ANO3: variants seen among roughly 807,000 people sequenced by gnomAD.
ANO3 encodes anoctamin-3.
Under a neutral mutation model 144.8 loss-of-function variants are expected in ANO3, and 99 were observed. The observed-to-expected ratio is 0.68, with a 90% CI of 0.58 to 0.81. The LOEUF (loss-of-function observed/expected upper bound fraction) is 0.81, where lower values mean the gene tolerates loss of function less well. Ranked by LOEUF, ANO3 falls within the 30% of genes least tolerant of loss-of-function variation. The pLI is 0.00. For missense variants in ANO3, 905 were observed against 1,202.2 expected, an observed-to-expected ratio of 0.75 and a Z score of 3.66; for synonymous variants, 414 against 392.6, an observed-to-expected ratio of 1.05 and a Z score of -0.64.
At chr11:26,317,692 CAG>C (rs1309868769) in intron 1 of ANO3, among the ~76,000 whole-genome samples, 2 of 152,164 alleles carry the variant, frequency 1.3e-5, no homozygotes, top group African/African-American at 2.4e-5. Context: ...TTGTGGAAGA[CAG>C]TGTGGAGATT....
chr11:26,474,250 G>T, intron 4 of ANO3: 1 of 260,292 alleles, frequency 3.8e-6, no homozygotes, highest in Non-Finnish European at 6.0e-6. Flanking sequence ...GAGTGTATCT[G>T]TTATTTCAAA....
At chr11:26,293,248 A>C (rs1421896614) in intron 1 of ANO3, among the ~76,000 whole-genome samples, 1 of 152,122 alleles carries the variant, frequency 6.6e-6, no homozygotes, top group East Asian at 1.9e-4. Context: ...AACCTAAATA[A>C]AAAGGCATAC....
chr11:26,247,283 ACTAT>A (rs1289320760), intron 1 of ANO3, among the ~76,000 whole-genome samples: 1 of 152,208 alleles, frequency 6.6e-6, no homozygotes, highest in Non-Finnish European at 1.5e-5. Context: ...TGAATACAGT[ACTAT>A]CTTTTTTTCC....
intron 1 of ANO3, among the ~76,000 whole-genome samples, chr11:26,315,659 GTCTA>G (rs10635488): frequency 0.023 from 3,303 of 146,022 alleles, 115 homozygotes; most frequent in African/African-American, 0.083. Context: ...CTATCTGTCT[GTCTA>G]TCTATCTATC....
intron 17 of ANO3, among the ~76,000 whole-genome samples, chr11:26,603,485 G>C (rs1470437881): frequency 6.6e-6 from 1 of 151,736 alleles, no homozygotes; most frequent in Non-Finnish European, 1.5e-5. Context: ...GTATTATTTA[G>C]AGTAGTAGAT....
chr11:26,408,521 T>C (rs967515508), intron 1 of ANO3, among the ~76,000 whole-genome samples: 2 of 148,522 alleles, frequency 1.3e-5, no homozygotes, highest in East Asian at 2.0e-4. Flanking sequence ...TTTTACACTG[T>C]TGGTGGGACT....
chr11:26,218,280 G>T (rs1214351077), intron 1 of ANO3, among the ~76,000 whole-genome samples: 1 of 152,072 alleles, frequency 6.6e-6, no homozygotes, highest in South Asian at 2.1e-4. Context: ...TGACATGGTA[G>T]CTGTGCTTAG....
chr11:26,231,959 C>T (rs1462749136), intron 1 of ANO3, among the ~76,000 whole-genome samples: 1 of 152,182 alleles, frequency 6.6e-6, no homozygotes, highest in East Asian at 1.9e-4. Context: ...GACATGGAAA[C>T]TGGCATGTGG....
Position 26,596,640 on chromosome 11 carries a change from C to T in ANO3, c.1448-1725C>T, listed in dbSNP as rs551888000. 8.6e-4 allele frequency among the ~76,000 whole-genome samples: 131 copies of T among 152,146 alleles called. 2 individuals carry two copies. In the South Asian group the frequency reaches 0.026, roughly 30 times the overall value. On this transcript the variant is annotated intron_variant, in intron 14 of 26. Transcript: ENST00000256737. ...TACAACCTGCTCTAATACTTGGGAACGGAAGTGAAAGTCTGAAGCATTAGT... is the reference window on the plus strand; with the variant it reads ...TACAACCTGCTCTAATACTTGGGAATGGAAGTGAAAGTCTGAAGCATTAGT...
chr11:26,452,415 G>A (rs1009661252), intron 3 of ANO3, among the ~76,000 whole-genome samples: 13 of 152,280 alleles, frequency 8.5e-5, no homozygotes, highest in South Asian at 6.2e-4. Flanking sequence ...GCCAAGGCTC[G>A]AGAACTACGT....
rs1222952346 is a variant in ANO3, at chr11:26,536,674, T to G, written c.977-732T>G. On this transcript the variant is annotated intron_variant, in intron 9 of 26. Transcript: ENST00000256737. ...AGCCCTTAATTACTCTTCGAAAACA[T>G]TATTATAAATAGCTGTACAATATTC... is the stretch of plus-strand genomic sequence containing the variant. 2.0e-5 allele frequency among the ~76,000 whole-genome samples: 3 copies of G among 152,258 alleles called. No individual in the cohort carries two copies. The East Asian group carries it at 5.8e-4, about 29-fold the overall frequency.
intron 18 of ANO3, among the ~76,000 whole-genome samples, chr11:26,628,540 A>T (rs1852667312): frequency 6.6e-6 from 1 of 152,202 alleles, no homozygotes; most frequent in Non-Finnish European, 1.5e-5. Flanking sequence ...AAAATGATCC[A>T]CAATGTGCTA....
intron 1 of ANO3, among the ~76,000 whole-genome samples, chr11:26,203,743 C>A (rs1202107241): frequency 6.6e-6 from 1 of 152,122 alleles, no homozygotes; most frequent in Non-Finnish European, 1.5e-5. Flanking sequence ...TATAATCTTG[C>A]ATCTACTGTT....
At chr11:26,619,682 G>A (rs1245456994) in intron 17 of ANO3, among the ~76,000 whole-genome samples, 1 of 152,012 alleles carries the variant, frequency 6.6e-6, no homozygotes, top group Non-Finnish European at 1.5e-5. Flanking sequence ...GGCCTGGCTG[G>A]TCTCAAACTC....
rs112356848 is a variant in ANO3, at chr11:26,450,802, G to A, written c.313+6966G>A. 6.4e-3 allele frequency among the ~76,000 whole-genome samples: 981 copies of A among 152,248 alleles called. 11 individuals carry two copies. Among genetic ancestry groups the A allele is most frequent in the African/African-American group, 0.022 (929 of 41,540 alleles). ...AAAATTCTCCAGGAAGTATAGCATC[G>A]ATTTTCAAATGCTGAAACAATGCAA... On this transcript the variant is annotated intron_variant, in intron 3 of 26. Transcript: ENST00000256737.
Position 26,461,171 on chromosome 11 carries a change from T to C in ANO3, c.314-1859T>C, listed in dbSNP as rs535593660. Among the ~76,000 whole-genome samples the C allele has an allele frequency of 5.9e-5, 9 of 152,126 alleles. No homozygotes were observed. In the East Asian group the frequency reaches 1.7e-3, roughly 30 times the overall value. On this transcript the variant is annotated intron_variant, in intron 3 of 26. Transcript: ENST00000256737. Reference sequence around the variant, plus strand: ...AAAGGAAGGAAAGGGGGAGAAAGGATTGGCAAGGAAATAAAAACACAAAAC... The same window carrying C: ...AAAGGAAGGAAAGGGGGAGAAAGGACTGGCAAGGAAATAAAAACACAAAAC...
At chr11:26,595,460 G>GTGTTTTTTT (rs1851584686) in intron 14 of ANO3, among the ~76,000 whole-genome samples, 3 of 101,388 alleles carry the variant, frequency 3.0e-5, no homozygotes, top group Admixed American at 1.3e-4. Context: ...AGATAGAGTT[G>GTGTTTTTTT]TTTTTTTTTT....
In ANO3 at chr11:26,283,323, T is replaced by C. The variant is rs1218812462; in HGVS notation, c.155-26322T>C. 6.2e-3 allele frequency among the ~76,000 whole-genome samples: 112 copies of C among 18,142 alleles called. No individual in the cohort carries two copies. The African/African-American group carries it at 0.063, about 10-fold the overall frequency. 11.9% of individuals were successfully genotyped at this position (18,142 alleles called of 152,430 possible). On this transcript the variant is annotated intron_variant, in intron 1 of 27. Coordinates refer to the ANO3 transcript ENST00000672621. ...TTACCAAAATAAACAAATAAATAAA[T>C]ATATATATATATATATATATATATA...
chr11:26,552,878 A>G (rs1849972118), intron 12 of ANO3, among the ~76,000 whole-genome samples: 1 of 152,060 alleles, frequency 6.6e-6, no homozygotes, highest in Non-Finnish European at 1.5e-5. Flanking sequence ...GTTTGATTCC[A>G]TCTCAGCCAC....
Sources: gnomAD v4.1 joint callset for allele counts (sites outside exome capture counted in the v4.1 genomes callset) on GRCh38, gnomAD v4.1.1 for gene constraint, MANE v1.5 for transcripts, NCBI Gene and HGNC (gene_info 2026-07-23, HGNC 2026-07-21) for gene names.